The following RBFOX1 variants were observed in gnomAD, a reference collection of about 807,000 sequenced individuals.
The protein encoded by RBFOX1 is RNA binding fox-1 homolog 1, also known as RNA binding protein fox-1 homolog 1.
In RBFOX1, 8 loss-of-function variants were observed where a neutral mutation model predicts 57.7. The observed-to-expected ratio is 0.14, with a 90% CI of 0.08 to 0.25. RBFOX1 has a LOEUF of 0.25. RBFOX1 is among the 10% of genes least tolerant of loss of function. RBFOX1 has a pLI of 1.00. For synonymous variants in RBFOX1, 326 were observed against 222.4 expected (o/e 1.47, Z -4.15); for missense variants, 611 against 548.5 (o/e 1.11, Z -1.14).
At chr16:6,024,538 T>C (rs1312022282) in intron 1 of RBFOX1, among the ~76,000 whole-genome samples, 1 of 152,144 alleles carries the variant, frequency 6.6e-6, no homozygotes, top group Non-Finnish European at 1.5e-5. Flanking sequence ...TCCCAGGCTG[T>C]AGTACAGTGG....
chr16:6,924,703 T>G (rs2075199573), intron 3 of RBFOX1, among the ~76,000 whole-genome samples: 1 of 152,102 alleles, frequency 6.6e-6, no homozygotes, highest in African/African-American at 2.4e-5. Flanking sequence ...TATTATACTT[T>G]AAGTTTTAGG....
chr16:6,614,231 G>C (rs140341930), intron 2 of RBFOX1, among the ~76,000 whole-genome samples: 279 of 152,266 alleles, frequency 1.8e-3, no homozygotes, highest in African/African-American at 6.7e-3. Flanking sequence ...ACTGCCTGCT[G>C]CAAGTAAGGA....
At chr16:5,957,714 G>A (rs1381267385) in intron 4 of RBFOX1, among the ~76,000 whole-genome samples, 1 of 152,006 alleles carries the variant, frequency 6.6e-6, no homozygotes, top group Non-Finnish European at 1.5e-5. Context: ...TATATTTGGG[G>A]GGCACATGAG....
chr16:6,755,844 A>C (rs905099240), intron 3 of RBFOX1, among the ~76,000 whole-genome samples: 1 of 152,116 alleles, frequency 6.6e-6, no homozygotes, highest in Non-Finnish European at 1.5e-5. Flanking sequence ...GGATTCTTTC[A>C]GAGCTGCCAA....
At chr16:5,797,331 C>A (rs865930896) in intron 3 of RBFOX1, among the ~76,000 whole-genome samples, 12 of 152,142 alleles carry the variant, frequency 7.9e-5, no homozygotes, top group South Asian at 2.1e-4. Context: ...AGTGTGTGTC[C>A]ACACCCACTT....
chr16:6,230,358 C>G (rs1009144657), intron 1 of RBFOX1, among the ~76,000 whole-genome samples: 1 of 152,054 alleles, frequency 6.6e-6, no homozygotes, highest in African/African-American at 2.4e-5. Flanking sequence ...TATTTATTAT[C>G]TCCGTTTCAC....
At chr16:5,671,210 A>G (rs1057084624) in intron 3 of RBFOX1, among the ~76,000 whole-genome samples, 4 of 152,244 alleles carry the variant, frequency 2.6e-5, no homozygotes, top group Non-Finnish European at 5.9e-5. Flanking sequence ...TGAAAGTTTC[A>G]ATCTGCAACT....
chr16:6,643,153 G>C (rs1314845945), intron 2 of RBFOX1, among the ~76,000 whole-genome samples: 1 of 152,168 alleles, frequency 6.6e-6, no homozygotes, highest in African/African-American at 2.4e-5. Context: ...AGTCATTTGA[G>C]ACTTAAATTT....
chr16:5,491,452 A>T (rs1033119029), intron 2 of RBFOX1, among the ~76,000 whole-genome samples: 2 of 152,216 alleles, frequency 1.3e-5, no homozygotes, highest in African/African-American at 4.8e-5. Context: ...TATATTCACC[A>T]AGTGTCATGT....
At chr16:6,618,384 A>T (rs922898743) in intron 2 of RBFOX1, among the ~76,000 whole-genome samples, 3 of 152,202 alleles carry the variant, frequency 2.0e-5, no homozygotes, top group African/African-American at 7.2e-5. Flanking sequence ...TAACCATAAA[A>T]GGTAGGGACT....
At chr16:7,235,826 C>G (rs1338713333) in intron 4 of RBFOX1, among the ~76,000 whole-genome samples, 2 of 152,176 alleles carry the variant, frequency 1.3e-5, no homozygotes, top group Admixed American at 6.5e-5. Context: ...CTTATTCTGA[C>G]AATTCCAGTT....
chr16:5,694,372 T>C (rs953272726), intron 3 of RBFOX1, among the ~76,000 whole-genome samples: 9 of 152,224 alleles, frequency 5.9e-5, no homozygotes, highest in Non-Finnish European at 4.4e-5. Flanking sequence ...GTTTTCTGCC[T>C]TCCGTCTACT....
chr16:6,048,656 T>C (rs2095519634), intron 1 of RBFOX1, among the ~76,000 whole-genome samples: 3 of 152,224 alleles, frequency 2.0e-5, no homozygotes, highest in South Asian at 4.1e-4. Context: ...GCTTTTAATA[T>C]ACTGTGACCT....
intron 4 of RBFOX1, among the ~76,000 whole-genome samples, chr16:7,295,175 A>G (rs188961696): frequency 6.6e-6 from 1 of 152,210 alleles, no homozygotes; most frequent in Non-Finnish European, 1.5e-5. Flanking sequence ...CATTTGATTC[A>G]TTAGCAAGGT....
chr16:5,321,322 T>C (rs1567330967), intron 1 of RBFOX1, among the ~76,000 whole-genome samples: 1 of 56,002 alleles, frequency 1.8e-5, no homozygotes, highest in African/African-American at 3.4e-5. Flanking sequence ...AAGAGATAAC[T>C]TTTGTTTTTT....
chr16:7,520,188 T>C (rs1351385643), intron 5 of RBFOX1, among the ~76,000 whole-genome samples: 1 of 152,124 alleles, frequency 6.6e-6, no homozygotes, highest in Non-Finnish European at 1.5e-5. Flanking sequence ...CCCGGCCTAG[T>C]TTTGAAGATT....
chr16:5,853,659 T>C (rs1260178780), intron 3 of RBFOX1, among the ~76,000 whole-genome samples: 1 of 152,212 alleles, frequency 6.6e-6, no homozygotes, highest in Non-Finnish European at 1.5e-5. Flanking sequence ...CTGGTCTAGC[T>C]TAACAGAGTT....
At chr16:6,247,275 A>G (rs1407721943) in intron 1 of RBFOX1, among the ~76,000 whole-genome samples, 4 of 152,132 alleles carry the variant, frequency 2.6e-5, no homozygotes, top group Non-Finnish European at 4.4e-5. Flanking sequence ...CCAGCCTTCA[A>G]TGGATTGAGG....
intron 4 of RBFOX1, among the ~76,000 whole-genome samples, chr16:7,438,122 T>C (rs1035884812): frequency 6.6e-6 from 1 of 152,208 alleles, no homozygotes; most frequent in Non-Finnish European, 1.5e-5. Context: ...AAAATACAAG[T>C]AAATCTTGGC....
Sources: gnomAD v4.1 joint callset for allele counts (sites outside exome capture counted in the v4.1 genomes callset) on GRCh38, gnomAD v4.1.1 for gene constraint, MANE v1.5 for transcripts, NCBI Gene and HGNC (gene_info 2026-07-23, HGNC 2026-07-21) for gene names.